Variants in EPB41L4A observed in about 807,000 individuals in gnomAD.
EPB41L4A encodes the protein band 4.1-like protein 4A.
In EPB41L4A, 100 loss-of-function variants were observed where a neutral mutation model predicts 108.6. That is an observed-to-expected ratio of 0.92 (90% CI 0.78 to 1.09). EPB41L4A has a LOEUF of 1.09. Ranked by LOEUF, EPB41L4A falls within the 50% of genes least tolerant of loss-of-function variation. The probability of loss-of-function intolerance (pLI) is 0.00; values close to 1 mark genes in which losing one functional copy is unlikely to be tolerated. For synonymous variants in EPB41L4A, 319 were observed against 289.0 expected (o/e 1.10, Z -1.05); for missense variants, 1,030 against 842.7 (o/e 1.22, Z -2.75).
chr5:112,206,144 G>A (rs1762461957), intron 13 of EPB41L4A: 1 of 152,256 alleles, frequency 6.6e-6, no homozygotes, highest in Non-Finnish European at 1.5e-5. Context: ...CATGGAGGAA[G>A]GGACTAATCA....
chr5:112,204,838 A>G (rs532059906), intron 14 of EPB41L4A, among the ~76,000 whole-genome samples: 1 of 152,228 alleles, frequency 6.6e-6, no homozygotes, highest in African/African-American at 2.4e-5. Context: ...GCTAATCTTC[A>G]TATCAGCCTT....
chr5:112,266,109 A>G (rs577710705), intron 5 of EPB41L4A, 124 bp downstream of exon 5: 215 of 700,738 alleles, frequency 3.1e-4, no homozygotes, highest in Non-Finnish European at 4.4e-4. Flanking sequence ...TTCCAAATAA[A>G]TTCAATTTCT....
At chr5:112,214,721 G>A (rs577868841) in intron 12 of EPB41L4A, among the ~76,000 whole-genome samples, 14 of 151,486 alleles carry the variant, frequency 9.2e-5, no homozygotes, top group Admixed American at 4.6e-4. Flanking sequence ...AGTGGAGATC[G>A]CGCCACTGCA....
intron 1 of EPB41L4A, among the ~76,000 whole-genome samples, chr5:112,403,152 A>G (rs1761880929): frequency 6.6e-6 from 1 of 152,110 alleles, no homozygotes; most frequent in Admixed American, 6.6e-5. Flanking sequence ...TCCACTGTCA[A>G]CCTGGAGGCT....
At chr5:112,275,287 A>T in intron 4 of EPB41L4A, 39 bp downstream of exon 4, 1 of 1,509,528 alleles carries the variant, frequency 6.6e-7, no homozygotes. Flanking sequence ...TTGTATATGC[A>T]ATGCATGTAT....
intron 11 of EPB41L4A, among the ~76,000 whole-genome samples, chr5:112,235,874 G>A (rs371840827): frequency 9.5e-4 from 145 of 152,316 alleles, no homozygotes; most frequent in African/African-American, 3.3e-3. Context: ...TTCGGGAGGG[G>A]AGAGGAGCAA....
rs143190887 is a variant in EPB41L4A at position 112,314,725 on chromosome 5, G to A, written c.100-7235C>T. 2.7e-3 allele frequency among the ~76,000 whole-genome samples: 410 copies of A among 151,896 alleles called. 2 individuals carry two copies. The highest frequency in any genetic ancestry group is 9.2e-3 in the African/African-American group (379 of 41,416). The stretch of plus-strand genomic sequence containing the variant: ...GGAAAATTGCCTGAAGCCAGGAGGC[G>A]GAGGTTGCAGTGAGCCGAGACTGCG... On this transcript the variant is annotated intron_variant, in intron 1 of 22. Coordinates refer to ENST00000261486, the MANE Select transcript of EPB41L4A (RefSeq NM_022140.5).
chr5:112,230,101 A>C (rs990543438), intron 12 of EPB41L4A, among the ~76,000 whole-genome samples: 2 of 152,094 alleles, frequency 1.3e-5, no homozygotes, highest in East Asian at 3.9e-4. Flanking sequence ...ATAGTAATAT[A>C]AACACCACTT....
At chr5:112,204,062 T>C (rs779174870) in intron 15 of EPB41L4A, among the ~76,000 whole-genome samples, 34 of 151,086 alleles carry the variant, frequency 2.3e-4, no homozygotes, top group Non-Finnish European at 4.1e-4. Flanking sequence ...ATATACTGTC[T>C]CTACTTTGTA....
At chr5:112,155,505 T>A (rs1305074940) in intron 12 of EPB41L4A, among the ~76,000 whole-genome samples, 1 of 152,164 alleles carries the variant, frequency 6.6e-6, no homozygotes, top group Non-Finnish European at 1.5e-5. Context: ...ATGCCACTGA[T>A]GATACAAGAG....
At chr5:112,168,917 A>C in intron 21 of EPB41L4A, 78 bp downstream of exon 21, 1 of 1,486,982 alleles carries the variant, frequency 6.7e-7, no homozygotes, top group Non-Finnish European at 9.4e-7. Flanking sequence ...AAACATTTCC[A>C]TCAGCAAGTA....
At chr5:112,386,391 G>T (rs947255868) in intron 1 of EPB41L4A, among the ~76,000 whole-genome samples, 5 of 152,006 alleles carry the variant, frequency 3.3e-5, no homozygotes, top group Non-Finnish European at 5.9e-5. Context: ...TAATAATGTT[G>T]ATTTCCATAT....
chr5:112,257,374 C>G (rs545830196), intron 9 of EPB41L4A: 6 of 151,988 alleles, frequency 3.9e-5, no homozygotes, highest in Non-Finnish European at 7.4e-5. Context: ...GCTTAATGAC[C>G]TAGAAGTGTG....
chr5:112,306,018 T>C (rs1389373494), intron 2 of EPB41L4A, among the ~76,000 whole-genome samples: 3 of 152,116 alleles, frequency 2.0e-5, no homozygotes, highest in Non-Finnish European at 2.9e-5. Context: ...GCTTTTCACA[T>C]TTTTCCTTTG....
At chr5:112,247,311 C>T (rs543255346) in intron 9 of EPB41L4A, among the ~76,000 whole-genome samples, 1 of 152,224 alleles carries the variant, frequency 6.6e-6, no homozygotes, top group South Asian at 2.1e-4. Context: ...ACAAGTTATT[C>T]ATTTAAAATA....
chr5:112,144,380 G>A (rs990490193), intron 13 of EPB41L4A, among the ~76,000 whole-genome samples: 4 of 152,082 alleles, frequency 2.6e-5, no homozygotes, highest in Non-Finnish European at 5.9e-5. Context: ...GACCTCCCAG[G>A]GCTTAGATGA....
At chr5:112,402,315 C>A (rs892993355) in intron 1 of EPB41L4A, among the ~76,000 whole-genome samples, 2 of 151,980 alleles carry the variant, frequency 1.3e-5, no homozygotes, top group African/African-American at 4.8e-5. Context: ...GTACAGCCTG[C>A]AGAACTATGA....
rs1040341428 is a variant in EPB41L4A, at chr5:112,221,245, C to A, written c.1088-11263G>T. ...CAATAGCATCATGGACTGCCTCTAG[C>A]CATAAGCAAATTATCCTTCCGGACA... On this transcript the variant is annotated intron_variant, in intron 12 of 22. Coordinates refer to ENST00000261486, the MANE Select transcript of EPB41L4A (RefSeq NM_022140.5). 2.6e-5 allele frequency among the ~76,000 whole-genome samples: 4 copies of A among 152,192 alleles called. No homozygotes were observed. In the East Asian group the frequency reaches 5.8e-4, roughly 22 times the overall value.
intron 1 of EPB41L4A, among the ~76,000 whole-genome samples, chr5:112,385,528 GT>G (rs1760461884): frequency 7.8e-6 from 1 of 128,986 alleles, no homozygotes; most frequent in East Asian, 2.3e-4. Flanking sequence ...AAAAAAAAAA[GT>G]AAATCCCATT....
Sources: allele counts gnomAD v4.1 joint callset (sites outside exome capture counted in the v4.1 genomes callset), GRCh38; gene constraint gnomAD v4.1.1; transcripts MANE v1.5; gene names NCBI Gene and HGNC (gene_info 2026-07-23, HGNC 2026-07-21).